Variants in INTS14 observed in about 807,000 individuals in gnomAD.
INTS14 encodes the protein integrator complex subunit 14, also known as UPF0464 protein C15orf44.
In INTS14, 27 loss-of-function variants were observed where a neutral mutation model predicts 56.9. The ratio of observed to expected loss-of-function variants is 0.47; its 90% CI spans 0.35 to 0.65. The LOEUF (loss-of-function observed/expected upper bound fraction) is 0.65. Ranked by LOEUF, INTS14 falls within the 30% of genes least tolerant of loss-of-function variation. The pLI is 0.00. For synonymous variants in INTS14, 207 were observed against 236.2 expected, an observed-to-expected ratio of 0.88 and a Z score of 1.13; for missense variants, 517 against 632.2, an observed-to-expected ratio of 0.82 and a Z score of 1.95.
chr15:65,592,379 G>A (rs2073061056), intron 8 of INTS14, among the ~76,000 whole-genome samples: 1 of 152,202 alleles, frequency 6.6e-6, no homozygotes, highest in South Asian at 2.1e-4. Flanking sequence ...AAAATGATCA[G>A]TGACCTCCTT....
At chr15:65,591,775 A>T in intron 8 of INTS14, 44 bp from the exon 9 acceptor site, 1 of 1,602,120 alleles carries the variant, frequency 6.2e-7, no homozygotes, top group Non-Finnish European at 8.5e-7. Context: ...ATCAAGCCTG[A>T]GACTGTCAAG....
At chr15:65,601,605 T>C (rs1051869221) in intron 3 of INTS14, among the ~76,000 whole-genome samples, 2 of 152,240 alleles carry the variant, frequency 1.3e-5, no homozygotes, top group Non-Finnish European at 2.9e-5. Context: ...CCTCCCAAAG[T>C]GCTGGGATTA....
intron 9 of INTS14, among the ~76,000 whole-genome samples, chr15:65,585,208 C>CAT (rs1182281411): frequency 6.6e-6 from 1 of 151,906 alleles, no homozygotes; most frequent in Non-Finnish European, 1.5e-5. Context: ...CATAGACACA[C>CAT]ATATATATAC....
chr15:65,581,547 CAAAAAAAAAAAAA>C (rs57782914), intron 11 of INTS14, among the ~76,000 whole-genome samples: 7 of 47,770 alleles, frequency 1.5e-4, no homozygotes, highest in Admixed American at 7.3e-4. Context: ...GACTCCATCT[CAAAAAAAAAAAAA>C]AAAAAAAAAA....
At chr15:65,581,905 A>G in intron 11 of INTS14, 49 bp downstream of exon 11, 1 of 1,576,166 alleles carries the variant, frequency 6.3e-7, no homozygotes, top group Non-Finnish European at 8.7e-7. Flanking sequence ...TCACAGTTTT[A>G]CTGTCGTGAA....
intron 9 of INTS14, 113 bp from the exon 10 acceptor site, chr15:65,585,001 T>C: frequency 2.3e-6 from 2 of 883,438 alleles, no homozygotes; most frequent in Non-Finnish European, 3.3e-6. Flanking sequence ...TATCACTTTG[T>C]TAATTAAGAA....
At chr15:65,611,024 C>T (rs1217734161) in intron 1 of INTS14, 74 bp downstream of exon 1, 3 of 1,527,968 alleles carry the variant, frequency 2.0e-6, no homozygotes, top group South Asian at 1.2e-5. Flanking sequence ...GGTTGTTCTT[C>T]ACCCATAACC....
intron 10 of INTS14, 94 bp from the exon 11 acceptor site, chr15:65,582,113 A>C: frequency 4.5e-6 from 5 of 1,103,856 alleles, no homozygotes; most frequent in Non-Finnish European, 6.4e-6. Context: ...TAAAGAGATG[A>C]AAATGAGAAC....
rs2141234518 is a variant in INTS14 at position 65,579,052 on chromosome 15, G to A, written c.*356C>T. 1 of 191,692 alleles carries A rather than the reference G, an allele frequency of 5.2e-6. No individual in the cohort carries two copies. The highest frequency in any genetic ancestry group is 1.3e-4 in the South Asian group (1 of 7,708). 11.9% of individuals were successfully genotyped at this position (191,692 alleles called of 1,614,324 possible). A position where few individuals can be genotyped will look rare whatever the true frequency, so the allele number is the denominator to read the frequency against. Reference sequence around the variant, plus strand: ...TACAGTTGAGATATAAACGAGGGAAGAGGTGAAGCTTTCAGGAAGCCAGAG... The same window carrying A: ...TACAGTTGAGATATAAACGAGGGAAAAGGTGAAGCTTTCAGGAAGCCAGAG... On this transcript the variant is annotated 3_prime_UTR_variant, in exon 12 of 12. Coordinates refer to ENST00000313182, the MANE Select transcript of INTS14 (RefSeq NM_001394796.1).
chr15:65,598,172 C>A, intron 6 of INTS14, 149 bp downstream of exon 6: 1 of 739,310 alleles, frequency 1.4e-6, no homozygotes, highest in Non-Finnish European at 2.0e-6. Flanking sequence ...ACCTCTGTTC[C>A]CAAGCATTTT....
At chr15:65,601,622 T>C (rs943126413) in intron 3 of INTS14, among the ~76,000 whole-genome samples, 6 of 152,158 alleles carry the variant, frequency 3.9e-5, no homozygotes, top group Non-Finnish European at 8.8e-5. Flanking sequence ...ATTACAGGCG[T>C]GAGCCACCGC....
intron 9 of INTS14, chr15:65,586,710 A>T (rs933021219): frequency 3.9e-5 from 6 of 152,246 alleles, no homozygotes; most frequent in African/African-American, 1.4e-4. Flanking sequence ...ATAAATTTGA[A>T]GATACAGAAG....
intron 3 of INTS14, among the ~76,000 whole-genome samples, chr15:65,601,771 A>T (rs192783845): frequency 3.3e-4 from 50 of 152,352 alleles, no homozygotes; most frequent in Admixed American, 2.9e-3. Context: ...ATTGACTACA[A>T]GGCAATTTCC....
chr15:65,587,213 C>T (rs1214616024), intron 9 of INTS14, among the ~76,000 whole-genome samples: 4 of 151,906 alleles, frequency 2.6e-5, no homozygotes, highest in South Asian at 2.1e-4. Flanking sequence ...TTCCCATGTA[C>T]CCTTTTTTTC....
chr15:65,603,748 CCACT>C (rs2073531716), intron 3 of INTS14, among the ~76,000 whole-genome samples: 1 of 152,132 alleles, frequency 6.6e-6, no homozygotes, highest in South Asian at 2.1e-4. Context: ...TAAATTTGGC[CCACT>C]GTCTGTTTTT....
chr15:65,581,713 A>C (rs545752297), intron 11 of INTS14, among the ~76,000 whole-genome samples: 1 of 152,292 alleles, frequency 6.6e-6, no homozygotes, highest in East Asian at 1.9e-4. Flanking sequence ...TCCATCAGTC[A>C]TTCATTCACA....
chr15:65,605,188 C>T lies in INTS14; in HGVS notation c.271G>A (p.Ala91Thr). Residue 91 changes from alanine to threonine, a missense_variant, in exon 3 of 12, where the codon GCA (alanine) becomes ACA (threonine). Coordinates refer to ENST00000313182, the MANE Select transcript of INTS14 (RefSeq NM_001394796.1). The part of the protein sequence containing the change: ...DDYDKTCLES[A>T]LVGVCNIVQQ... ...ACGATATTGCAAACACCAACTAATG[C>T]AGACTCCAAGCAGGTTTTGTCATAA... The T allele has an allele frequency of 1.2e-6, 2 of 1,614,142 alleles. No individual in the cohort carries two copies. Among genetic ancestry groups the T allele is most frequent in the Non-Finnish European group, 1.7e-6 (2 of 1,179,990 alleles).
chr15:65,610,356 C>T (rs1159131853), intron 1 of INTS14, among the ~76,000 whole-genome samples: 2 of 152,164 alleles, frequency 1.3e-5, no homozygotes, highest in Non-Finnish European at 2.9e-5. Context: ...GAGACTCCGT[C>T]TTGGGTGGGG....
At chr15:65,587,688 T>C (rs996961261) in intron 9 of INTS14, among the ~76,000 whole-genome samples, 2 of 151,952 alleles carry the variant, frequency 1.3e-5, no homozygotes, top group African/African-American at 4.8e-5. Flanking sequence ...GCATCTAAAA[T>C]GGGGGAAAAG....
Sources: allele counts gnomAD v4.1 joint callset (sites outside exome capture counted in the v4.1 genomes callset), GRCh38; gene constraint gnomAD v4.1.1; transcripts MANE v1.5; gene names NCBI Gene and HGNC (gene_info 2026-07-23, HGNC 2026-07-21).